AP3D1: variants seen among roughly 807,000 people sequenced by gnomAD.
AP3D1 encodes the protein adaptor related protein complex 3 subunit delta 1.
A neutral mutation model predicts 147.6 loss-of-function variants in AP3D1; 51 were observed. The ratio of observed to expected loss-of-function variants is 0.35; its 90% CI spans 0.28 to 0.44. The LOEUF (loss-of-function observed/expected upper bound fraction) is 0.44, where lower values mean the gene tolerates loss of function less well. Ranked by LOEUF, AP3D1 falls within the 20% of genes least tolerant of loss-of-function variation. The pLI is 1.00. For synonymous variants in AP3D1, 760 were observed against 663.0 expected (o/e 1.15, Z -2.25); for missense variants, 1,421 against 1,624.2 (o/e 0.87, Z 2.15).
upstream of AP3D1, among the ~76,000 whole-genome samples, chr19:2,155,396 G>C (rs187785354): frequency 3.4e-5 from 5 of 148,654 alleles, no homozygotes; most frequent in Admixed American, 2.0e-4. Context: ...AATTAGCTGG[G>C]TGTGTCACAC....
At chr19:2,163,949 G>A (rs1268340308) in intron 1 of AP3D1, among the ~76,000 whole-genome samples, 1 of 149,694 alleles carries the variant, frequency 6.7e-6, no homozygotes, top group African/African-American at 2.4e-5. Context: ...CTCGCTTCAC[G>A]CCGGCCCAAG....
intron 1 of AP3D1, among the ~76,000 whole-genome samples, chr19:2,144,855 A>C (rs1469450294): frequency 6.6e-6 from 1 of 152,164 alleles, no homozygotes; most frequent in Admixed American, 6.5e-5. Context: ...GTGAGCCAAG[A>C]TCGCACCACT....
At chr19:2,131,803 C>G (rs2018957677) in intron 5 of AP3D1, among the ~76,000 whole-genome samples, 1 of 140,356 alleles carries the variant, frequency 7.1e-6, no homozygotes, top group Non-Finnish European at 1.5e-5. Flanking sequence ...GCCCATCGGC[C>G]ACGATCTAGA....
chr19:2,104,921 T>C (rs990654994), intron 31 of AP3D1, among the ~76,000 whole-genome samples: 2 of 152,012 alleles, frequency 1.3e-5, no homozygotes, highest in African/African-American at 4.8e-5. Flanking sequence ...GCGATCCTCC[T>C]GCCTCAGCCT....
At chr19:2,112,812 T>C (rs1271670472) in intron 24 of AP3D1, 48 bp downstream of exon 24, 6 of 1,477,358 alleles carry the variant, frequency 4.1e-6, no homozygotes, top group Non-Finnish European at 4.6e-6. Context: ...GTTGGGGTGC[T>C]GGGGCTCATG....
At position 2,115,562 on chromosome 19, in the gene AP3D1, G is replaced by A. The variant is rs757382095; in HGVS notation, c.2125C>T (p.Leu709Phe). ...CCTGGAACCTTCAAGGGGACGGAGA[G>A]GTCAATCTGCACCACGGGAATGTGC... ...VEHIPVVQID[L>F]SVPLKVPGLP... is the part of the protein sequence containing the mutation. Residue 709 changes from leucine (L) to phenylalanine (F), a missense_variant, in exon 19 of 32, where the codon CTC becomes TTC. Transcript: ENST00000643116. 5.0e-6 allele frequency: 8 copies of A among 1,613,180 alleles called. No individual in the cohort carries two copies. In the Admixed American group the frequency reaches 1.2e-4, roughly 24 times the overall value.
At position 2,138,959 on chromosome 19, in the gene AP3D1, C is replaced by T. The variant is rs111804322; in HGVS notation, c.97-245G>A. Among the ~76,000 whole-genome samples the T allele has an allele frequency of 6.5e-3, 947 of 145,806 alleles. 6 individuals carry two copies. The highest frequency in any genetic ancestry group is 0.016 in the Admixed American group (220 of 13,916). Reference sequence around the variant, plus strand: ...CCTGTAATCCCAGCTACTCAGGAGGCTAAGGCAGGAGAATCGTTTAAACCT... The same window carrying T: ...CCTGTAATCCCAGCTACTCAGGAGGTTAAGGCAGGAGAATCGTTTAAACCT... On this transcript the variant is annotated intron_variant, in intron 1 of 31. Transcript: ENST00000643116.
Position 2,121,800 on chromosome 19 carries a change from G to A in AP3D1, c.1035C>T (p.Ile345=). 4 of 1,613,484 alleles carry A rather than the reference G, an allele frequency of 2.5e-6. No individual in the cohort carries two copies. The highest frequency in any genetic ancestry group is 2.2e-5 in the South Asian group (2 of 91,038). Residue 345 remains isoleucine, a synonymous_variant, in exon 12 of 32, where the codon ATC becomes ATT. Transcript: ENST00000643116. ...PKSVQSHKDL[I]LQCLDDKDES... is the part of the protein sequence containing the mutation. The stretch of plus-strand genomic sequence containing the variant: ...CGTCCTTGTCGTCCAGGCACTGCAG[G>A]ATGAGGTCCTTGTGGGACTGCACGG...
At chr19:2,130,623 G>C in intron 5 of AP3D1, 86 bp from the exon 6 acceptor site, 1 of 1,578,078 alleles carries the variant, frequency 6.3e-7, no homozygotes. Context: ...TCCACAGAGA[G>C]GAGATGCCCT....
chr19:2,102,360 A>G (rs1418240363), intron 31 of AP3D1, 92 bp from the exon 32 acceptor site: 1 of 1,100,024 alleles, frequency 9.1e-7, no homozygotes, highest in Admixed American at 1.8e-5. Context: ...TTGGGAGGCC[A>G]AGGTGGGTGG....
At chr19:2,136,023 C>T (rs1032840229) in intron 4 of AP3D1, among the ~76,000 whole-genome samples, 1 of 151,706 alleles carries the variant, frequency 6.6e-6, no homozygotes, top group African/African-American at 2.4e-5. Context: ...CGGCCACGAC[C>T]CAAGAAGACT....
chr19:2,124,239 G>A (rs757051207), intron 9 of AP3D1, among the ~76,000 whole-genome samples: 1 of 152,214 alleles, frequency 6.6e-6, no homozygotes, highest in African/African-American at 2.4e-5. Flanking sequence ...CCAGGCGCTG[G>A]GTCTCTGGGA....
chr19:2,117,080 G>T, intron 16 of AP3D1, 142 bp downstream of exon 16: 1 of 1,104,916 alleles, frequency 9.1e-7, no homozygotes, highest in Non-Finnish European at 1.3e-6. Context: ...GAGTCCGTGT[G>T]AGGGATATAC....
At chr19:2,116,067 G>C (rs1417263585) in intron 18 of AP3D1, 140 bp downstream of exon 18, 2 of 807,864 alleles carry the variant, frequency 2.5e-6, no homozygotes, top group African/African-American at 1.7e-5. Flanking sequence ...GCCCCTCAAA[G>C]GCTCCGCACA....
intron 1 of AP3D1, among the ~76,000 whole-genome samples, chr19:2,141,351 G>GT (rs2019214758): frequency 6.6e-6 from 1 of 151,298 alleles, no homozygotes; most frequent in South Asian, 2.1e-4. Flanking sequence ...CACAGGGTGC[G>GT]TATTTCCTTT....
intron 31 of AP3D1, among the ~76,000 whole-genome samples, chr19:2,108,220 A>T (rs367585395): frequency 6.6e-6 from 1 of 152,218 alleles, no homozygotes; most frequent in East Asian, 1.9e-4. Flanking sequence ...CTCCTCATAT[A>T]CAGACACAAA....
rs1392985479 is a variant in AP3D1 at position 2,123,874 on chromosome 19, T to C, written c.862A>G (p.Ile288Val). 2.5e-6 allele frequency: 4 copies of C among 1,577,110 alleles called. No individual in the cohort carries two copies. Among genetic ancestry groups the C allele is most frequent in the Non-Finnish European group, 2.6e-6 (3 of 1,161,630 alleles). The change falls in exon 10 of 32, where the codon ATC becomes GTC. Residue 288 changes from isoleucine (I) to valine (V), a missense_variant. Around this residue, in one of 6 missense-constraint regions of AP3D1, gnomAD observed 292 missense variants for 412.0 expected, o/e 0.71. Transcript: ENST00000643116. ...ECVNTVIAVL[I>V]SLSSGMPNHS... ...TTGGGCATGCCGGAGGACAGCGAGA[T>C]GAGCACTGCAACAGACAGCTTGGTC...
intron 23 of AP3D1, 62 bp downstream of exon 23, chr19:2,113,274 G>C (rs2240651): frequency 1.1e-6 from 1 of 921,952 alleles, no homozygotes; most frequent in African/African-American, 1.7e-5. Context: ...GCTCTTCCCT[G>C]AGTGCCAGGT....
At chr19:2,109,556 C>T (rs550717164) in intron 29 of AP3D1, 58 of 485,200 alleles carry the variant, frequency 1.2e-4, no homozygotes, top group South Asian at 5.8e-4. Context: ...GAGGGGGTGC[C>T]GCACGCCAAG....
Sources: allele counts gnomAD v4.1 joint callset (sites outside exome capture counted in the v4.1 genomes callset), GRCh38; gene constraint gnomAD v4.1.1; regional missense constraint gnomAD v4.1.1; transcripts MANE v1.5; gene names NCBI Gene and HGNC (gene_info 2026-07-23, HGNC 2026-07-21).